MYO5A: variants seen among roughly 807,000 people sequenced by gnomAD.
MYO5A encodes unconventional myosin-Va.
MYO5A carries 98 observed loss-of-function variants against 249.7 expected under a neutral mutation model. The observed-to-expected ratio is 0.39, with a 90% CI of 0.33 to 0.46. MYO5A has a LOEUF of 0.46. Ranked by LOEUF, MYO5A falls within the 20% of genes least tolerant of loss-of-function variation. The pLI is 0.98. For synonymous variants in MYO5A, 778 were observed against 810.6 expected (o/e 0.96, Z 0.68); for missense variants, 1,696 against 2,308.8 (o/e 0.73, Z 5.44).
At chr15:52,331,249 G>GC (rs562068468) in intron 34 of MYO5A, among the ~76,000 whole-genome samples, 94 of 151,996 alleles carry the variant, frequency 6.2e-4, no homozygotes, top group African/African-American at 2.1e-3. Flanking sequence ...TGCAATCAAT[G>GC]AAGTACAACC....
intron 32 of MYO5A, 40 bp downstream of exon 32, chr15:52,340,156 G>A: frequency 6.2e-7 from 1 of 1,604,958 alleles, no homozygotes; most frequent in Non-Finnish European, 8.5e-7. Context: ...TGTCGGGCAG[G>A]CTAGGTTAAG....
intron 27 of MYO5A, 68 bp downstream of exon 27, chr15:52,353,537 G>A: frequency 7.6e-7 from 1 of 1,316,746 alleles, no homozygotes; most frequent in Non-Finnish European, 1.1e-6. Flanking sequence ...CTGAGAAAAA[G>A]AGAGGCTCTG....
chr15:52,465,847 A>T (rs760375141), intron 1 of MYO5A, among the ~76,000 whole-genome samples: 6 of 152,192 alleles, frequency 3.9e-5, no homozygotes, highest in Non-Finnish European at 8.8e-5. Context: ...ATCCATGATA[A>T]TATGTTTGAC....
At position 52,387,225 on chromosome 15, in the gene MYO5A, C is replaced by T. The variant is rs148292138; in HGVS notation, c.1752+604G>A. Among the ~76,000 whole-genome samples, 604 of 152,238 alleles carry T rather than the reference C, an allele frequency of 4.0e-3. 3 individuals carry two copies. Among genetic ancestry groups the T allele is most frequent in the Admixed American group, 6.4e-3 (98 of 15,288 alleles). On this transcript the variant is annotated intron_variant, in intron 14 of 41. Transcript: ENST00000399233. ...CTAATCATCAATACAATGTAGCCAT[C>T]GTAGCTCTTACCATCTGGAATATTC...
chr15:52,505,231 C>G, intron 1 of MYO5A: 1 of 774,072 alleles, frequency 1.3e-6, no homozygotes, highest in Non-Finnish European at 2.4e-6. Flanking sequence ...CCTCCAGGTG[C>G]TCAATGATTA....
intron 12 of MYO5A, among the ~76,000 whole-genome samples, chr15:52,391,678 A>T (rs1323547298): frequency 6.6e-6 from 1 of 152,226 alleles, no homozygotes; most frequent in Non-Finnish European, 1.5e-5. Context: ...AAAGTGGCTA[A>T]AATTGTTAGT....
At chr15:52,414,122 T>G (rs1220627995) in intron 5 of MYO5A, among the ~76,000 whole-genome samples, 2 of 152,186 alleles carry the variant, frequency 1.3e-5, no homozygotes, top group Admixed American at 1.3e-4. Flanking sequence ...GAGACTGGAT[T>G]AGTTCTCTCG....
intron 11 of MYO5A, among the ~76,000 whole-genome samples, chr15:52,395,371 G>A (rs574565945): frequency 2.6e-5 from 4 of 152,132 alleles, no homozygotes. Context: ...TTAAACATCT[G>A]GTTTGTGTGC....
At chr15:52,489,463 C>T (rs113697064) in intron 1 of MYO5A, among the ~76,000 whole-genome samples, 17 of 151,208 alleles carry the variant, frequency 1.1e-4, no homozygotes, top group African/African-American at 1.7e-4. Context: ...ACTCGGGAGG[C>T]GGAGGCAGGA....
At chr15:52,387,791 C>T (rs2042030652) in intron 14 of MYO5A, 38 bp downstream of exon 14, 2 of 1,401,014 alleles carry the variant, frequency 1.4e-6, no homozygotes, top group Non-Finnish European at 2.0e-6. Context: ...TAATGCTTTG[C>T]ATACATCCTG....
intron 1 of MYO5A, among the ~76,000 whole-genome samples, chr15:52,467,699 A>T (rs982507314): frequency 9.2e-5 from 14 of 152,306 alleles, no homozygotes; most frequent in African/African-American, 3.1e-4. Flanking sequence ...ACTGCAAAAA[A>T]AACTTCACCA....
intron 27 of MYO5A, 49 bp from the exon 28 acceptor site, chr15:52,351,530 C>T (rs762739623): frequency 4.5e-5 from 70 of 1,539,374 alleles, no homozygotes; most frequent in Non-Finnish European, 5.7e-5. Context: ...CTCAACTTTA[C>T]GTTGGATGCT....
intron 24 of MYO5A, among the ~76,000 whole-genome samples, chr15:52,360,459 C>T (rs1265755151): frequency 6.6e-6 from 1 of 152,176 alleles, no homozygotes; most frequent in African/African-American, 2.4e-5. Flanking sequence ...ATAAAACTTA[C>T]AAAAACCTCA....
intron 4 of MYO5A, among the ~76,000 whole-genome samples, chr15:52,423,423 G>A (rs71474804): frequency 6.6e-6 from 1 of 151,706 alleles, no homozygotes; most frequent in Non-Finnish European, 1.5e-5. Flanking sequence ...GTGGTGGCAG[G>A]TGCCTGTAGT....
chr15:52,528,909 G>T, upstream of MYO5A: 1 of 1,016,956 alleles, frequency 9.8e-7, no homozygotes, highest in South Asian at 4.7e-5. Flanking sequence ...CCGGCAGGGA[G>T]CAGGGCAGGG....
intron 22 of MYO5A, among the ~76,000 whole-genome samples, chr15:52,368,733 G>A (rs560437305): frequency 2.6e-5 from 4 of 152,294 alleles, no homozygotes; most frequent in South Asian, 2.1e-4. Flanking sequence ...AGGAAACACC[G>A]TCTGAACTAA....
chr15:52,493,325 T>C (rs562650954), intron 1 of MYO5A, among the ~76,000 whole-genome samples: 12 of 152,326 alleles, frequency 7.9e-5, no homozygotes, highest in Admixed American at 3.3e-4. Flanking sequence ...CTCTTTCCCA[T>C]AGCACATTAA....
intron 1 of MYO5A, among the ~76,000 whole-genome samples, chr15:52,483,147 T>G (rs1321914613): frequency 6.6e-6 from 1 of 152,212 alleles, no homozygotes; most frequent in Non-Finnish European, 1.5e-5. Flanking sequence ...ACACCACTCC[T>G]CTGGTTTATC....
chr15:52,349,466 G>A (rs2039831211), intron 28 of MYO5A, among the ~76,000 whole-genome samples: 1 of 152,112 alleles, frequency 6.6e-6, no homozygotes, highest in Non-Finnish European at 1.5e-5. Context: ...GAGGAACTTA[G>A]GTACCTCAGT....
Sources: gnomAD v4.1 joint callset for allele counts (sites outside exome capture counted in the v4.1 genomes callset) on GRCh38, gnomAD v4.1.1 for gene constraint, MANE v1.5 for transcripts, NCBI Gene and HGNC (gene_info 2026-07-23, HGNC 2026-07-21) for gene names.